Variants in ALG12 observed in about 807,000 individuals in gnomAD.
ALG12 encodes the protein ALG12 alpha-1,6-mannosyltransferase.
A neutral mutation model predicts 46.0 loss-of-function variants in ALG12; 36 were observed. The observed-to-expected ratio is 0.78, with a 90% CI of 0.60 to 1.03. The LOEUF (loss-of-function observed/expected upper bound fraction) is 1.03, where lower values mean the gene tolerates loss of function less well. Among genes scored for constraint, ALG12 ranks in the 50% least tolerant of loss-of-function variants. The pLI is 0.00. For synonymous variants in ALG12, 326 were observed against 291.6 expected (o/e 1.12, Z -1.20); for missense variants, 599 against 633.5 (o/e 0.95, Z 0.58).
chr22:49,908,220 T>C (rs1240309120), intron 6 of ALG12, among the ~76,000 whole-genome samples: 1 of 152,112 alleles, frequency 6.6e-6, no homozygotes, highest in East Asian at 1.9e-4. Context: ...CTCTGTACCC[T>C]TTTCTTCACT....
chr22:49,883,309 C>T, the ALG12 span: 1 of 170,536 alleles, frequency 5.9e-6, no homozygotes, highest in African/African-American at 2.4e-5. Context: ...TAGTTCCATG[C>T]TTAATTTGAT....
At chr22:49,884,383 G>C in the ALG12 span, 4 of 1,612,626 alleles carry the variant, frequency 2.5e-6, no homozygotes, top group South Asian at 2.2e-5. Flanking sequence ...TGACATGTCC[G>C]TTTCGGAGAA....
chr22:49,879,483 C>CA, the ALG12 span, among the ~76,000 whole-genome samples: 1 of 151,720 alleles, frequency 6.6e-6, no homozygotes, highest in Non-Finnish European at 1.5e-5. Context: ...AGGCACACAC[C>CA]ACTATATCCG....
the ALG12 span, among the ~76,000 whole-genome samples, chr22:49,877,415 C>T: frequency 1.3e-5 from 2 of 152,060 alleles, no homozygotes; most frequent in African/African-American, 4.8e-5. Context: ...CCTCAGCCTC[C>T]CAAGTAGCTA....
the ALG12 span, chr22:49,883,439 T>C: frequency 1.0e-4 from 50 of 490,852 alleles, no homozygotes; most frequent in Middle Eastern, 2.3e-3. Context: ...ACACCATGAG[T>C]GTTTAGTAGC....
At chr22:49,877,676 CCATATA>C in the ALG12 span, among the ~76,000 whole-genome samples, 1 of 152,068 alleles carries the variant, frequency 6.6e-6, no homozygotes, top group Non-Finnish European at 1.5e-5. Flanking sequence ...ATATCCATAT[CCATATA>C]GTATGCCTAA....
At chr22:49,871,271 G>A in the ALG12 span, among the ~76,000 whole-genome samples, 1 of 151,480 alleles carries the variant, frequency 6.6e-6, no homozygotes, top group Non-Finnish European at 1.5e-5. Flanking sequence ...GGTGGATCAC[G>A]AGGTCAGGAG....
downstream of ALG12, among the ~76,000 whole-genome samples, chr22:49,896,205 A>G (rs1397904484): frequency 5.9e-5 from 9 of 152,258 alleles, 1 homozygote; most frequent in Admixed American, 5.9e-4. Context: ...TGGGGTGCTG[A>G]CAACAGGGCC....
At chr22:49,912,560 C>T (rs1834953942) in intron 3 of ALG12, among the ~76,000 whole-genome samples, 1 of 152,248 alleles carries the variant, frequency 6.6e-6, no homozygotes, top group Non-Finnish European at 1.5e-5. Context: ...TCTGCCCCTT[C>T]AAGAAGCAGA....
At chr22:49,909,212 C>G in intron 6 of ALG12, 32 bp downstream of exon 6, 1 of 1,601,620 alleles carries the variant, frequency 6.2e-7, no homozygotes, top group South Asian at 1.1e-5. Context: ...AGGTCCCACC[C>G]ATCGCCCTCC....
At chr22:49,873,371 A>G in the ALG12 span, among the ~76,000 whole-genome samples, 1 of 152,136 alleles carries the variant, frequency 6.6e-6, no homozygotes, top group East Asian at 1.9e-4. Context: ...GAGACGGGGA[A>G]CTGCTGGTTG....
At chr22:49,872,599 AGCTCACTGC>A in the ALG12 span, among the ~76,000 whole-genome samples, 1 of 152,202 alleles carries the variant, frequency 6.6e-6, no homozygotes, top group Non-Finnish European at 1.5e-5. Flanking sequence ...TCACGATCAC[AGCTCACTGC>A]AGTCTCAACC....
chr22:49,861,514 G>A, the ALG12 span, among the ~76,000 whole-genome samples: 1 of 152,004 alleles, frequency 6.6e-6, no homozygotes, highest in Non-Finnish European at 1.5e-5. Context: ...GCTTACCGCA[G>A]CCTCGACCTC....
intron 1 of ALG12, among the ~76,000 whole-genome samples, chr22:49,916,725 G>T (rs2060611759): frequency 6.6e-6 from 1 of 152,212 alleles, no homozygotes; most frequent in South Asian, 2.1e-4. Context: ...CTGACATGGG[G>T]GGTACTGCTT....
chr22:49,883,167 A>G, the ALG12 span, among the ~76,000 whole-genome samples: 2 of 151,884 alleles, frequency 1.3e-5, no homozygotes, highest in Non-Finnish European at 2.9e-5. Flanking sequence ...ATTTGGGGGT[A>G]TTGTCATCCT....
At chr22:49,874,719 C>T in the ALG12 span, among the ~76,000 whole-genome samples, 15 of 107,968 alleles carry the variant, frequency 1.4e-4, no homozygotes, top group African/African-American at 4.4e-4. Flanking sequence ...CTCACTCTGT[C>T]GCCAGGCTGG....
the ALG12 span, chr22:49,883,848 T>C: frequency 6.2e-7 from 1 of 1,609,318 alleles, no homozygotes. Flanking sequence ...CGGGCCTCGG[T>C]GGGACGGGTT....
In ALG12 at chr22:49,908,951, C is replaced by CAA. The variant is rs35816147; in HGVS notation, c.768+291_768+292dup. Among the ~76,000 whole-genome samples the CAA allele has an allele frequency of 0.078, 6,245 of 80,362 alleles. 472 individuals are homozygous for CAA. The highest frequency in any genetic ancestry group is 0.22 in the African/African-American group (5,097 of 23,046). The allele number at this position is 80,362 out of a possible 152,430, so 52.7% of individuals were successfully genotyped here. On this transcript the variant is annotated intron_variant, in intron 6 of 9. Coordinates refer to ENST00000330817, the MANE Select transcript of ALG12 (RefSeq NM_024105.4). Reference sequence around the variant, plus strand: ...TGGGCGACAGAGCGAGACTCAGTCTCAAAAAAAAAAAAAAAAAAGCAGATT... The same window carrying CAA: ...TGGGCGACAGAGCGAGACTCAGTCTCAAAAAAAAAAAAAAAAAAAAGCAGATT...
the ALG12 span, among the ~76,000 whole-genome samples, chr22:49,895,191 C>T: frequency 3.3e-5 from 5 of 152,176 alleles, no homozygotes; most frequent in South Asian, 1.0e-3. Flanking sequence ...CATAAAAATT[C>T]TCATTGGAGC....
Sources: allele counts gnomAD v4.1 joint callset (sites outside exome capture counted in the v4.1 genomes callset), GRCh38; gene constraint gnomAD v4.1.1; transcripts MANE v1.5; gene names NCBI Gene and HGNC (gene_info 2026-07-23, HGNC 2026-07-21).